DLEU7: variants seen among roughly 807,000 people sequenced by gnomAD.
The protein encoded by DLEU7 is leukemia-associated protein 7.
Under a neutral mutation model 16.0 loss-of-function variants are expected in DLEU7, and 17 were observed. The observed-to-expected ratio is 1.06, with a 90% CI of 0.73 to 1.59. DLEU7 has a LOEUF of 1.59. Among genes scored for constraint, DLEU7 ranks in the 40% most tolerant of loss-of-function variants. The pLI is 0.00. For synonymous variants in DLEU7, 113 were observed against 139.8 expected (o/e 0.81, Z 1.35); for missense variants, 308 against 314.9 (o/e 0.98, Z 0.17).
intron 1 of DLEU7, among the ~76,000 whole-genome samples, chr13:50,747,319 G>T (rs1874427282): frequency 6.9e-6 from 1 of 144,816 alleles, no homozygotes; most frequent in Non-Finnish European, 1.5e-5. Context: ...ATTTTAAAAA[G>T]AAAAGAAAAA....
chr13:50,798,549 C>G (rs1876161132), intron 1 of DLEU7, among the ~76,000 whole-genome samples: 1 of 152,136 alleles, frequency 6.6e-6, no homozygotes, highest in Admixed American at 6.5e-5. Context: ...TCTCCACCCA[C>G]AATCCTTAAA....
At chr13:50,752,414 T>TG in intron 1 of DLEU7, among the ~76,000 whole-genome samples, 2 of 150,734 alleles carry the variant, frequency 1.3e-5, no homozygotes, top group South Asian at 4.2e-4. Flanking sequence ...CCACCTTTGC[T>TG]GTATCCCAGA....
At chr13:50,718,272 C>T (rs549416590) in intron 1 of DLEU7, among the ~76,000 whole-genome samples, 7 of 152,168 alleles carry the variant, frequency 4.6e-5, no homozygotes, top group Admixed American at 4.6e-4. Flanking sequence ...TAAATTCAGC[C>T]CAAAACATAA....
chr13:50,811,484 A>T (rs982487899), intron 1 of DLEU7, among the ~76,000 whole-genome samples: 1 of 152,122 alleles, frequency 6.6e-6, no homozygotes, highest in African/African-American at 2.4e-5. Context: ...CCTGTCCCAG[A>T]AAGGATTGTG....
intron 1 of DLEU7, among the ~76,000 whole-genome samples, chr13:50,778,073 A>G (rs78379660): frequency 0.013 from 2,035 of 152,254 alleles, 41 homozygotes; most frequent in African/African-American, 0.047. Context: ...GTAGTTTATG[A>G]AGAAAAGAGG....
At chr13:50,827,203 T>C (rs1372120768) in intron 1 of DLEU7, among the ~76,000 whole-genome samples, 2 of 152,212 alleles carry the variant, frequency 1.3e-5, no homozygotes, top group Non-Finnish European at 2.9e-5. Flanking sequence ...GTTTCTCAAA[T>C]GCTGAACAGC....
At chr13:50,792,640 C>G (rs1426638295) in intron 1 of DLEU7, among the ~76,000 whole-genome samples, 1 of 152,190 alleles carries the variant, frequency 6.6e-6, no homozygotes, top group African/African-American at 2.4e-5. Context: ...TCAAATTTAA[C>G]TCACACTTGT....
At chr13:50,813,558 T>C (rs1404192419) in intron 1 of DLEU7, among the ~76,000 whole-genome samples, 1 of 152,138 alleles carries the variant, frequency 6.6e-6, no homozygotes, top group Non-Finnish European at 1.5e-5. Context: ...ATTATCTACT[T>C]TAAAAATAAA....
intron 1 of DLEU7, among the ~76,000 whole-genome samples, chr13:50,836,990 C>T (rs903218037): frequency 6.6e-6 from 1 of 152,196 alleles, no homozygotes; most frequent in African/African-American, 2.4e-5. Flanking sequence ...CTTTGAACCA[C>T]AAATCACAGG....
chr13:50,757,363 C>A (rs1041273492), intron 1 of DLEU7, among the ~76,000 whole-genome samples: 8 of 152,166 alleles, frequency 5.3e-5, no homozygotes, highest in African/African-American at 1.7e-4. Context: ...GTCATAGGAA[C>A]CTTGACTTCA....
Position 50,843,279 on chromosome 13 carries a change from C to A in DLEU7, c.368G>T (p.Arg123Leu). 1.3e-6 allele frequency: 2 copies of A among 1,575,672 alleles called. No individual in the cohort carries two copies. The highest frequency in any genetic ancestry group is 1.8e-5 in the Admixed American group (1 of 56,022). Residue 123 changes from arginine to leucine, a missense_variant, in exon 1 of 2, where the codon CGC becomes CTC. Physicochemically the swap from Arg to Leu is moderately radical, Grantham distance 102. Coordinates refer to ENST00000504404, the MANE Select transcript of DLEU7 (RefSeq NM_001306135.2). This position sits in a 1 kb window ranked among gnomAD's most constrained non-coding sequence, Gnocchi z 5.7. ...AQMAMRSALA[R>L]VVDSTSELVS... The stretch of plus-strand genomic sequence containing the variant: ...CAGCTCCGAAGTCGAGTCCACCACG[C>A]GGGCCAGCGCGCTGCGCATCGCCAT...
At chr13:50,770,934 T>C (rs898857889) in intron 1 of DLEU7, among the ~76,000 whole-genome samples, 1 of 152,222 alleles carries the variant, frequency 6.6e-6, no homozygotes, top group Non-Finnish European at 1.5e-5. Context: ...AATTATTGCC[T>C]CAATTTCCGA....
intron 1 of DLEU7, among the ~76,000 whole-genome samples, chr13:50,804,545 G>A (rs1298843525): frequency 6.6e-6 from 1 of 151,856 alleles, no homozygotes; most frequent in Non-Finnish European, 1.5e-5. Flanking sequence ...CTGGGTTCAA[G>A]TGATTCTCCT....
chr13:50,767,419 G>A (rs2137752034), intron 1 of DLEU7, among the ~76,000 whole-genome samples: 1 of 135,334 alleles, frequency 7.4e-6, no homozygotes, highest in East Asian at 2.3e-4. Context: ...TCGCGCCACT[G>A]CACTCCAGCC....
chr13:50,768,746 C>A (rs187869217), intron 1 of DLEU7, among the ~76,000 whole-genome samples: 6 of 152,272 alleles, frequency 3.9e-5, no homozygotes, highest in Admixed American at 3.9e-4. Context: ...AATAAACATA[C>A]GTGTGCATGT....
At chr13:50,802,958 T>TA (rs1278760523) in intron 1 of DLEU7, among the ~76,000 whole-genome samples, 2 of 152,196 alleles carry the variant, frequency 1.3e-5, no homozygotes, top group Non-Finnish European at 2.9e-5. Flanking sequence ...TATTAGTTTT[T>TA]ATCACACGGC....
At chr13:50,734,864 A>C (rs182923362) in intron 1 of DLEU7, among the ~76,000 whole-genome samples, 300 of 152,310 alleles carry the variant, frequency 2.0e-3, no homozygotes, top group Non-Finnish European at 3.1e-3. Flanking sequence ...AGAGTAATAA[A>C]CTTCAAACAA....
intron 1 of DLEU7, among the ~76,000 whole-genome samples, chr13:50,842,752 G>T (rs2137820971): frequency 6.6e-6 from 1 of 152,316 alleles, no homozygotes; most frequent in Non-Finnish European, 1.5e-5. Context: ...AAATGTAGAT[G>T]ATTTCATCAT....
At chr13:50,758,944 G>A (rs1181966046) in intron 1 of DLEU7, among the ~76,000 whole-genome samples, 1 of 152,182 alleles carries the variant, frequency 6.6e-6, no homozygotes, top group Non-Finnish European at 1.5e-5. Flanking sequence ...AGGATAATTG[G>A]AGCCCATCTT....
Sources: gnomAD v4.1 joint callset for allele counts (sites outside exome capture counted in the v4.1 genomes callset) on GRCh38, gnomAD v4.1.1 for gene constraint, Gnocchi (gnomAD v3.1) non-coding constraint, MANE v1.5 for transcripts, NCBI Gene and HGNC (gene_info 2026-07-23, HGNC 2026-07-21) for gene names.